Variants in GRIPAP1 observed in about 807,000 individuals in gnomAD.
GRIPAP1 encodes GRIP1 associated protein 1.
In GRIPAP1, 14 loss-of-function variants were observed where a neutral mutation model predicts 84.1. The observed-to-expected ratio is 0.17, with a 90% CI of 0.11 to 0.26. The LOEUF (loss-of-function observed/expected upper bound fraction) is 0.26. Ranked by LOEUF, GRIPAP1 falls within the 10% of genes least tolerant of loss-of-function variation. The pLI is 1.00. For synonymous variants in GRIPAP1, 261 were observed against 256.8 expected (o/e 1.02, Z -0.15); for missense variants, 518 against 674.2 (o/e 0.77, Z 2.57).
rs2064458522 is a variant in GRIPAP1, at chrX:48,981,734, C to T, written c.1678-43G>A. 3 of 1,161,692 alleles carry T rather than the reference C, an allele frequency of 2.6e-6. No individual in the cohort carries two copies. In the African/African-American group the frequency reaches 5.3e-5, roughly 21 times the overall value. ...GCTTAGGCATTGGCTTGGGAAGCCT[C>T]TGTCCTCCCAGGAGGGCCCGTCACT... On this transcript the variant is annotated intron_variant, in intron 18 of 25. Transcript: ENST00000376423.
intron 24 of GRIPAP1, 127 bp downstream of exon 24, chrX:48,975,891 A>G: frequency 1.9e-6 from 1 of 519,200 alleles, no homozygotes; most frequent in Admixed American, 3.4e-5. Flanking sequence ...TCCCCTCCAC[A>G]GGCCATGGTC....
intron 21 of GRIPAP1, 24 bp from the exon 22 acceptor site, chrX:48,978,459 C>T (rs1253238570): frequency 4.3e-6 from 5 of 1,171,721 alleles, no homozygotes; most frequent in Non-Finnish European, 4.6e-6. Context: ...GGAAGAGAAA[C>T]TTGAGCCCCA....
intron 21 of GRIPAP1, among the ~76,000 whole-genome samples, chrX:48,979,645 C>G (rs1374546158): frequency 1.9e-5 from 2 of 106,896 alleles, no homozygotes; most frequent in Non-Finnish European, 3.9e-5. Context: ...GAGTTTCAGT[C>G]TTGTCGCCCA....
At chrX:48,985,204 TG>T in intron 14 of GRIPAP1, 63 bp downstream of exon 14, 1 of 1,048,022 alleles carries the variant, frequency 9.5e-7, no homozygotes, top group Non-Finnish European at 1.3e-6. Flanking sequence ...TCCACCTTAC[TG>T]GGGACTTCAC....
In GRIPAP1 at chrX:48,976,324, C is replaced by A; in HGVS notation, c.2101G>T (p.Ala701Ser). 1 of 1,197,463 alleles carries A rather than the reference C, an allele frequency of 8.4e-7. No homozygotes were observed. The change falls in exon 23 of 26, where the codon GCA (alanine) becomes TCA (serine). Residue 701 changes from alanine to serine, a missense_variant. Around this residue, in one of 5 missense-constraint regions of GRIPAP1, gnomAD observed 66 missense variants for 65.2 expected, o/e 1.01. Coordinates refer to ENST00000376423, the MANE Select transcript of GRIPAP1 (RefSeq NM_020137.5). ...GCCACTTCCTCATCTGACAGCTCTGCTGGCCGAGGGGGCTGGGCTTGAGGG... is the reference window on the plus strand; with the variant it reads ...GCCACTTCCTCATCTGACAGCTCTGATGGCCGAGGGGGCTGGGCTTGAGGG... ...SSPQAQPPRP[A>S]ELSDEEVAEL...
intron 12 of GRIPAP1, 21 bp from the exon 13 acceptor site, chrX:48,987,898 G>A (rs781879272): frequency 3.7e-6 from 4 of 1,078,614 alleles, no homozygotes; most frequent in Non-Finnish European, 5.1e-6. Flanking sequence ...GTCCACAGCA[G>A]GTGAGAGTGG....
intron 13 of GRIPAP1, 89 bp from the exon 14 acceptor site, chrX:48,985,491 G>A: frequency 1.3e-6 from 1 of 790,801 alleles, no homozygotes; most frequent in Non-Finnish European, 1.9e-6. Flanking sequence ...CAGGGAAACA[G>A]GGAGGGAGGT....
chrX:48,981,404 G>C lies in GRIPAP1; in HGVS notation c.1830+12C>G. ...TAGGAGGGAGCCGTGCTTGGGCACC[G>C]CTCTGTCTTACCGCAGCACTGCCCT... On this transcript the variant is annotated intron_variant, in intron 20 of 25. Transcript: ENST00000376423. 1 of 1,207,997 alleles carries C rather than the reference G, an allele frequency of 8.3e-7. No homozygotes were observed.
intron 1 of GRIPAP1, among the ~76,000 whole-genome samples, chrX:49,000,011 G>A (rs2064568536): frequency 9.1e-6 from 1 of 110,409 alleles, no homozygotes; most frequent in Admixed American, 9.7e-5. Flanking sequence ...CATTGAGTCA[G>A]GGGGCTTTCC....
chrX:48,990,660 A>G, intron 8 of GRIPAP1, 25 bp downstream of exon 8: 1 of 1,177,512 alleles, frequency 8.5e-7, no homozygotes, highest in Non-Finnish European at 1.2e-6. Flanking sequence ...TGGGAGCAGA[A>G]TGGGAAAGAG....
chrX:48,985,373 A>G lies in GRIPAP1; in HGVS notation c.1071T>C (p.Asn357=). ...QIQTAKTQEL[N]MLREQTTGLA... is the part of the protein sequence containing the mutation. ...GCCCAGTGGTCTGTTCCCGGAGCAT[A>G]TTCAGTTCTTGGGTCTTTGCTGTTT... is the stretch of plus-strand genomic sequence containing the variant. The change falls in exon 14 of 26, where the codon AAT becomes AAC. Residue 357 remains asparagine, a synonymous_variant. Coordinates refer to ENST00000376423, the MANE Select transcript of GRIPAP1 (RefSeq NM_020137.5). The G allele has an allele frequency of 8.3e-7, 1 of 1,209,731 alleles. No individual in the cohort carries two copies. The highest frequency in any genetic ancestry group is 1.1e-6 in the Non-Finnish European group (1 of 893,813).
In GRIPAP1 at chrX:48,981,821, G is replaced by A. The variant is rs781938549; in HGVS notation, c.1651C>T (p.Arg551Trp). 6.2e-5 allele frequency: 73 copies of A among 1,172,159 alleles called. No homozygotes were observed. Among genetic ancestry groups the A allele is most frequent in the Non-Finnish European group, 7.7e-5 (67 of 874,393 alleles). ...QEQEEALKQC[R>W]EQHAAELKGK... ...TTCAGCTCGGCAGCGTGCTGCTCCC[G>A]ACACTGCTTGAGGGCTTCCTCTTGT... The change falls in exon 18 of 26, where the codon CGG becomes TGG. Residue 551 changes from arginine (R) to tryptophan (W), a missense_variant. Physicochemically the swap from Arg to Trp is moderately radical, Grantham distance 101. Around this residue, in one of 5 missense-constraint regions of GRIPAP1, gnomAD observed 372 missense variants for 458.1 expected, o/e 0.81. Transcript: ENST00000376423.
rs1557064999 is a variant in GRIPAP1, at chrX:48,989,957, G to GT, written c.722+14_722+15insA. ...CCCCCTCGGCCCCCAGTACCCTTGGGAAAAAGAAATTTACCTTTCTTGTTT... is the reference window on the plus strand; with the variant it reads ...CCCCCTCGGCCCCCAGTACCCTTGGGTAAAAAGAAATTTACCTTTCTTGTTT... On this transcript the variant is annotated intron_variant, in intron 9 of 25. Coordinates refer to ENST00000376423, the MANE Select transcript of GRIPAP1 (RefSeq NM_020137.5). The GT allele has an allele frequency of 1.7e-6, 2 of 1,205,694 alleles. No homozygotes were observed. The highest frequency in any genetic ancestry group is 2.3e-4 in the Middle Eastern group (1 of 4,324).
Position 48,981,320 on chromosome X carries a change from G to A in GRIPAP1, c.1831-6C>T, listed in dbSNP as rs1557062062. On this transcript the variant is annotated splice_polypyrimidine_tract_variant and splice_region_variant and intron_variant, in intron 20 of 25. Transcript: ENST00000376423. ...TGCCGCTTGAGGTCCTTGAGCTGTG[G>A]GGGACAGGGGTAACATGAGGACTGA... 8.3e-7 allele frequency: 1 copy of A among 1,206,454 alleles called. No homozygotes were observed. Among genetic ancestry groups the A allele is most frequent in the Non-Finnish European group, 1.1e-6 (1 of 891,501 alleles).
rs183099713 is a variant in GRIPAP1 at position 48,993,062 on chromosome X, C to T, written c.457+366G>A. ...GTCTTGATCTGCTGACCTCGCAATC[C>T]GCCCGCCTCAGCCTCCCAAAGTGCT... On this transcript the variant is annotated intron_variant, in intron 6 of 25. Coordinates refer to ENST00000376423, the MANE Select transcript of GRIPAP1 (RefSeq NM_020137.5). Among the ~76,000 whole-genome samples, 912 of 111,942 alleles carry T rather than the reference C, an allele frequency of 8.1e-3. 13 individuals are homozygous for T. Among genetic ancestry groups the T allele is most frequent in the African/African-American group, 0.028 (853 of 30,886 alleles).
intron 1 of GRIPAP1, chrX:49,000,853 C>T (rs2064575588): frequency 9.0e-6 from 1 of 110,514 alleles, no homozygotes; most frequent in Non-Finnish European, 1.9e-5. Flanking sequence ...CCACCAGCCT[C>T]CACTCACTGT....
At chrX:48,980,154 T>C (rs2064447816) in intron 21 of GRIPAP1, among the ~76,000 whole-genome samples, 1 of 109,404 alleles carries the variant, frequency 9.1e-6, no homozygotes, top group African/African-American at 3.3e-5. Context: ...ACCAGAGCCA[T>C]CACTGCATTT....
chrX:48,974,779 G>A (rs2064413427), intron 25 of GRIPAP1, among the ~76,000 whole-genome samples: 1 of 111,640 alleles, frequency 9.0e-6, no homozygotes, highest in Non-Finnish European at 1.9e-5. Flanking sequence ...GCAGGTAACT[G>A]GGTGGGTGAA....
chrX:48,981,811 T>C lies in GRIPAP1; in HGVS notation c.1661A>G (p.His554Arg). 8.5e-7 allele frequency: 1 copy of C among 1,175,971 alleles called. No homozygotes were observed. Among genetic ancestry groups the C allele is most frequent in the Non-Finnish European group, 1.1e-6 (1 of 874,505 alleles). Reference protein sequence around the residue: ...EEALKQCREQHAAELKGKEEE... With the variant: ...EEALKQCREQRAAELKGKEEE... ...GAGAGGCACCTTCAGCTCGGCAGCG[T>C]GCTGCTCCCGACACTGCTTGAGGGC... is the stretch of plus-strand genomic sequence containing the variant. Residue 554 changes from histidine to arginine, a missense_variant, in exon 18 of 26, where the codon CAC becomes CGC. This residue lies in a region of GRIPAP1 where 372 missense variants were observed against 458.1 expected (regional missense o/e 0.81). Transcript: ENST00000376423.
Sources: allele counts gnomAD v4.1 joint callset (sites outside exome capture counted in the v4.1 genomes callset), GRCh38; gene constraint gnomAD v4.1.1; regional missense constraint gnomAD v4.1.1; transcripts MANE v1.5; gene names NCBI Gene and HGNC (gene_info 2026-07-23, HGNC 2026-07-21).